Variants in PCDH15 observed in about 807,000 individuals in gnomAD.
The protein encoded by PCDH15 is protocadherin related 15, also known as protocadherin-15.
Under a neutral mutation model 178.5 loss-of-function variants are expected in PCDH15, and 129 were observed. The observed-to-expected ratio is 0.72, with a 90% CI of 0.63 to 0.84. The LOEUF (loss-of-function observed/expected upper bound fraction) is 0.84. Among genes scored for constraint, PCDH15 ranks in the 40% least tolerant of loss-of-function variants. The probability of loss-of-function intolerance (pLI) is 0.00; values close to 1 mark genes in which losing one functional copy is unlikely to be tolerated. For missense variants in PCDH15, 2,230 were observed against 2,099.9 expected (o/e 1.06, Z -1.21); for synonymous variants, 800 against 732.0 (o/e 1.09, Z -1.50).
At chr10:54,079,200 C>T in intron 17 of PCDH15, 131 bp downstream of exon 17, 1 of 934,596 alleles carries the variant, frequency 1.1e-6, no homozygotes, top group Non-Finnish European at 1.7e-6. Context: ...AAGAAAAGAG[C>T]AACACTTCTA....
intron 18 of PCDH15, among the ~76,000 whole-genome samples, chr10:54,034,915 A>G (rs149270989): frequency 1.2e-4 from 18 of 152,038 alleles, no homozygotes; most frequent in Non-Finnish European, 2.1e-4. Flanking sequence ...CAGATATATA[A>G]AAGGGCCAGG....
chr10:54,598,136 C>T (rs2092333491), intron 2 of PCDH15, among the ~76,000 whole-genome samples: 2 of 152,022 alleles, frequency 1.3e-5, no homozygotes, highest in African/African-American at 4.8e-5. Context: ...TTCTATGAGG[C>T]CAGTATCATC....
At chr10:54,498,981 G>T (rs1317859787) in intron 3 of PCDH15, among the ~76,000 whole-genome samples, 2 of 152,008 alleles carry the variant, frequency 1.3e-5, no homozygotes, top group African/African-American at 4.8e-5. Flanking sequence ...GATCTCATGA[G>T]AACTTACTCA....
intron 2 of PCDH15, among the ~76,000 whole-genome samples, chr10:54,999,013 T>C (rs1440641112): frequency 2.0e-5 from 3 of 152,154 alleles, no homozygotes; most frequent in African/African-American, 7.2e-5. Context: ...ATTTTCTATC[T>C]TTTCTTAGTT....
At chr10:55,266,612 G>A (rs1393055266) in intron 1 of PCDH15, among the ~76,000 whole-genome samples, 2 of 152,126 alleles carry the variant, frequency 1.3e-5, no homozygotes, top group Non-Finnish European at 2.9e-5. Context: ...GACCCTTGCG[G>A]GCAGAGATTC....
intron 3 of PCDH15, among the ~76,000 whole-genome samples, chr10:54,463,408 A>G (rs2077320881): frequency 6.6e-6 from 1 of 152,184 alleles, no homozygotes. Flanking sequence ...TCTGAGACCT[A>G]GTAAGGATAG....
intron 5 of PCDH15, among the ~76,000 whole-genome samples, chr10:54,348,100 A>G (rs9415308): frequency 0.011 from 1,741 of 152,162 alleles, 39 homozygotes; most frequent in African/African-American, 0.039. Context: ...TGCCCACCTC[A>G]GCCTCCCAAA....
intron 6 of PCDH15, among the ~76,000 whole-genome samples, chr10:54,334,999 C>T (rs1384536808): frequency 2.0e-5 from 3 of 152,148 alleles, no homozygotes; most frequent in Non-Finnish European, 4.4e-5. Flanking sequence ...TTGCCCTTAT[C>T]AATCTTTAGA....
chr10:53,823,762 C>G (rs919487502), intron 32 of PCDH15: 1 of 450,202 alleles, frequency 2.2e-6, no homozygotes, highest in Non-Finnish European at 4.4e-6. Flanking sequence ...CTGCCTGTTA[C>G]GCATAGAAGA....
At chr10:54,192,632 AT>A (rs1382616511) in intron 11 of PCDH15, among the ~76,000 whole-genome samples, 1 of 152,084 alleles carries the variant, frequency 6.6e-6, no homozygotes, top group Non-Finnish European at 1.5e-5. Flanking sequence ...GCTTATTTAT[AT>A]TTTATATATA....
intron 2 of PCDH15, among the ~76,000 whole-genome samples, chr10:55,509,642 C>T (rs981405616): frequency 5.9e-5 from 9 of 151,796 alleles, no homozygotes; most frequent in South Asian, 2.1e-4. Flanking sequence ...GAACCATCAT[C>T]GAAATTAATA....
intron 2 of PCDH15, among the ~76,000 whole-genome samples, chr10:54,643,471 CAT>C (rs1185519603): frequency 6.6e-6 from 1 of 152,070 alleles, no homozygotes; most frequent in Non-Finnish European, 1.5e-5. Flanking sequence ...CATTCAAACA[CAT>C]GTGTTGTCAA....
At chr10:54,045,445 A>C (rs2135555620) in intron 18 of PCDH15, among the ~76,000 whole-genome samples, 1 of 152,192 alleles carries the variant, frequency 6.6e-6, no homozygotes, top group Non-Finnish European at 1.5e-5. Context: ...AAATAGCTAA[A>C]ATTTGATGAA....
At chr10:55,612,216 A>C (rs1246928603) in intron 2 of PCDH15, among the ~76,000 whole-genome samples, 7 of 152,030 alleles carry the variant, frequency 4.6e-5, no homozygotes, top group Admixed American at 3.9e-4. Context: ...TGTGAGTTGA[A>C]AGATATGTTA....
chr10:54,351,596 C>T (rs1185046986), intron 5 of PCDH15, among the ~76,000 whole-genome samples: 1 of 152,132 alleles, frequency 6.6e-6, no homozygotes, highest in Non-Finnish European at 1.5e-5. Context: ...TACAAGGCCT[C>T]TATACTGGAA....
chr10:54,065,688 A>T (rs1436326489), intron 18 of PCDH15, among the ~76,000 whole-genome samples: 1 of 152,234 alleles, frequency 6.6e-6, no homozygotes, highest in East Asian at 1.9e-4. Context: ...TGAGATAGTG[A>T]CAATGATAAT....
chr10:55,014,488 C>G lies in PCDH15; in HGVS notation c.-79-116988G>C, dbSNP rs1840122834. On this transcript the variant is annotated intron_variant, in intron 2 of 5. Coordinates refer to the PCDH15 transcript ENST00000458638. ...TAAAGAAATGATGCTTATAACCAGA[C>G]CAGAGTGCTGCTCTTCAATAAAATA... 2.5e-5 allele frequency among the ~76,000 whole-genome samples: 3 copies of G among 121,762 alleles called. No homozygotes were observed. The South Asian group carries it at 9.3e-4, about 38-fold the overall frequency. The allele number at this position is 121,762 out of a possible 152,430, so 79.9% of individuals were successfully genotyped here. A position where few individuals can be genotyped will look rare whatever the true frequency, so the allele number is the denominator to read the frequency against.
chr10:53,982,972 T>A (rs1328472246), intron 21 of PCDH15, among the ~76,000 whole-genome samples: 1 of 152,142 alleles, frequency 6.6e-6, no homozygotes, highest in Admixed American at 6.6e-5. Flanking sequence ...TCATAATTTC[T>A]TCATAGTTAT....
intron 18 of PCDH15, among the ~76,000 whole-genome samples, chr10:54,043,298 G>T (rs953912709): frequency 6.6e-6 from 1 of 152,010 alleles, no homozygotes; most frequent in African/African-American, 2.4e-5. Flanking sequence ...CCATTAGCAC[G>T]TTTAAAGAAG....
Sources: gnomAD v4.1 joint callset for allele counts (sites outside exome capture counted in the v4.1 genomes callset) on GRCh38, gnomAD v4.1.1 for gene constraint, MANE v1.5 for transcripts, NCBI Gene and HGNC (gene_info 2026-07-23, HGNC 2026-07-21) for gene names.